DPYD: variants seen among roughly 807,000 people sequenced by gnomAD.
The protein encoded by DPYD is dihydropyrimidine dehydrogenase, also known as dihydropyrimidine dehydrogenase [NADP(+)].
DPYD carries 109 observed loss-of-function variants against 116.2 expected under a neutral mutation model. That is an observed-to-expected ratio of 0.94 (90% CI 0.80 to 1.10). The LOEUF (loss-of-function observed/expected upper bound fraction) is 1.10. Among genes scored for constraint, DPYD ranks in the 50% least tolerant of loss-of-function variants. The pLI is 0.00. For synonymous variants in DPYD, 440 were observed against 432.0 expected (o/e 1.02, Z -0.23); for missense variants, 1,302 against 1,254.5 (o/e 1.04, Z -0.57).
intron 3 of DPYD, among the ~76,000 whole-genome samples, chr1:97,818,439 C>T (rs1668746881): frequency 6.6e-6 from 1 of 151,856 alleles, no homozygotes; most frequent in African/African-American, 2.4e-5. Context: ...ATATTTCTCA[C>T]CTTTGAATTC....
At chr1:97,136,121 T>C (rs772154241) in intron 20 of DPYD, among the ~76,000 whole-genome samples, 7 of 152,202 alleles carry the variant, frequency 4.6e-5, no homozygotes, top group Non-Finnish European at 8.8e-5. Context: ...CTGATGTTGT[T>C]TGATGCCAAT....
intron 19 of DPYD, among the ~76,000 whole-genome samples, chr1:97,223,667 C>T (rs1046473717): frequency 1.5e-4 from 23 of 152,038 alleles, no homozygotes; most frequent in African/African-American, 4.8e-4. Flanking sequence ...AAGCAACTGA[C>T]TCAGTCTGAG....
chr1:97,806,612 A>G (rs1447344877), intron 3 of DPYD, among the ~76,000 whole-genome samples: 1 of 151,974 alleles, frequency 6.6e-6, no homozygotes, highest in Admixed American at 6.6e-5. Context: ...CACCATCAAC[A>G]TTCTGAATCA....
intron 3 of DPYD, among the ~76,000 whole-genome samples, chr1:97,751,458 G>GTACATA (rs1345170970): frequency 4.5e-5 from 1 of 22,058 alleles, no homozygotes; most frequent in East Asian, 2.3e-3. Context: ...GTGTGTGTGT[G>GTACATA]TGTATATATA....
intron 12 of DPYD, among the ~76,000 whole-genome samples, chr1:97,539,709 C>T (rs1650285234): frequency 6.6e-6 from 1 of 152,090 alleles, no homozygotes; most frequent in South Asian, 2.1e-4. Flanking sequence ...CTATAAAGAT[C>T]AACATTATTT....
intron 12 of DPYD, among the ~76,000 whole-genome samples, chr1:97,521,270 T>C (rs1648640682): frequency 6.6e-6 from 1 of 152,118 alleles, no homozygotes; most frequent in Admixed American, 6.6e-5. Flanking sequence ...TGCACAAATG[T>C]CTTCAAACAG....
chr1:97,230,972 C>A (rs1661554786), intron 19 of DPYD, among the ~76,000 whole-genome samples: 1 of 152,144 alleles, frequency 6.6e-6, no homozygotes, highest in African/African-American at 2.4e-5. Context: ...GATTTTCCAT[C>A]TAAGAGGAGC....
At chr1:97,385,014 T>C (rs1243928797) in intron 14 of DPYD, among the ~76,000 whole-genome samples, 1 of 151,764 alleles carries the variant, frequency 6.6e-6, no homozygotes, top group African/African-American at 2.4e-5. Flanking sequence ...GGGAGAAAAA[T>C]GTAAGAATGC....
chr1:97,593,206 G>A lies in DPYD; in HGVS notation c.1128+12C>T, dbSNP rs768335553. The A allele has an allele frequency of 6.2e-7, 1 of 1,613,550 alleles. No individual in the cohort carries two copies. The highest frequency in any genetic ancestry group is 1.1e-5 in the South Asian group (1 of 91,074). On this transcript the variant is annotated intron_variant, in intron 10 of 22. Transcript: ENST00000370192. ...GAGTACAACTCCATATTTTCTGATG[G>A]TTCCATTTTACCTCCTCAGGGACAG...
At chr1:97,246,597 G>A (rs1157673315) in intron 18 of DPYD, among the ~76,000 whole-genome samples, 4 of 152,072 alleles carry the variant, frequency 2.6e-5, no homozygotes, top group Admixed American at 6.6e-5. Flanking sequence ...TATAAAACAC[G>A]TTAACAGCAA....
rs192328080 is a variant in DPYD at position 97,200,103 on chromosome 1, G to A, written c.2443-6855C>T. Among the ~76,000 whole-genome samples, 442 of 152,258 alleles carry A rather than the reference G, an allele frequency of 2.9e-3. 2 individuals carry two copies. The highest frequency in any genetic ancestry group is 6.2e-3 in the Admixed American group (95 of 15,284). On this transcript the variant is annotated intron_variant, in intron 19 of 22. Transcript: ENST00000370192. ...CCCTGAGACTGGCACATGCTTTTGT[G>A]TAATCAAATAGCACATTTTTCAAAT...
intron 19 of DPYD, among the ~76,000 whole-genome samples, chr1:97,207,369 C>T (rs1449931890): frequency 6.6e-6 from 1 of 152,056 alleles, no homozygotes; most frequent in Non-Finnish European, 1.5e-5. Flanking sequence ...TTGGATATGC[C>T]AATGTATTTC....
intron 2 of DPYD, among the ~76,000 whole-genome samples, chr1:97,862,782 T>C (rs1198214892): frequency 2.6e-5 from 4 of 151,952 alleles, no homozygotes; most frequent in African/African-American, 9.7e-5. Context: ...AATGACCTAA[T>C]ATTATATCAA....
chr1:97,193,877 C>T (rs905135300), intron 19 of DPYD, among the ~76,000 whole-genome samples: 3 of 152,204 alleles, frequency 2.0e-5, no homozygotes, highest in Non-Finnish European at 4.4e-5. Context: ...CTTTTCCACA[C>T]ATGGCTAACT....
chr1:97,081,722 T>TTTTC (rs1557851446), intron 22 of DPYD, among the ~76,000 whole-genome samples: 1,526 of 94,446 alleles, frequency 0.016, 28 homozygotes, highest in African/African-American at 0.043. Flanking sequence ...CTTTTCTTTT[T>TTTTC]TTTTTTTTTT....
chr1:97,765,427 G>C (rs1158615394), intron 3 of DPYD, among the ~76,000 whole-genome samples: 2 of 152,200 alleles, frequency 1.3e-5, no homozygotes, highest in Admixed American at 6.5e-5. Context: ...TCAGGTATAA[G>C]CTCACAGGAC....
At chr1:97,257,518 A>G (rs1663577629) in intron 18 of DPYD, among the ~76,000 whole-genome samples, 1 of 150,826 alleles carries the variant, frequency 6.6e-6, no homozygotes, top group Non-Finnish European at 1.5e-5. Flanking sequence ...ATCTCTATAT[A>G]GTGTGCATAT....
intron 3 of DPYD, among the ~76,000 whole-genome samples, chr1:97,760,862 A>T (rs1238544827): frequency 6.6e-6 from 1 of 152,162 alleles, no homozygotes; most frequent in African/African-American, 2.4e-5. Flanking sequence ...GGGGGACTGT[A>T]GTTAAGCTCC....
At chr1:97,804,346 C>A (rs1444291785) in intron 3 of DPYD, among the ~76,000 whole-genome samples, 2 of 151,662 alleles carry the variant, frequency 1.3e-5, no homozygotes, top group Non-Finnish European at 3.0e-5. Flanking sequence ...AATAGACACG[C>A]TTGTGAGTAG....
Sources: allele counts gnomAD v4.1 joint callset (sites outside exome capture counted in the v4.1 genomes callset), GRCh38; gene constraint gnomAD v4.1.1; transcripts MANE v1.5; gene names NCBI Gene and HGNC (gene_info 2026-07-23, HGNC 2026-07-21).